STK3: variants seen among roughly 807,000 people sequenced by gnomAD.
STK3 encodes serine/threonine-protein kinase 3.
Under a neutral mutation model 58.0 loss-of-function variants are expected in STK3, and 41 were observed. The observed-to-expected ratio is 0.71, with a 90% CI of 0.55 to 0.92. The LOEUF (loss-of-function observed/expected upper bound fraction) is 0.92, where lower values mean the gene tolerates loss of function less well. STK3 is among the 40% of genes least tolerant of loss of function. The probability of loss-of-function intolerance (pLI) is 0.00; values close to 1 mark genes in which losing one functional copy is unlikely to be tolerated. For missense variants in STK3, 479 were observed against 602.7 expected (o/e 0.79, Z 2.15); for synonymous variants, 170 against 191.0 (o/e 0.89, Z 0.91).
intron 10 of STK3, among the ~76,000 whole-genome samples, chr8:98,490,631 C>G (rs1822614528): frequency 6.6e-6 from 1 of 152,134 alleles, no homozygotes; most frequent in Non-Finnish European, 1.5e-5. Flanking sequence ...CTGTAGCATC[C>G]AGCACAGTGT....
chr8:98,505,761 C>T (rs2131381023), intron 10 of STK3, among the ~76,000 whole-genome samples: 1 of 152,268 alleles, frequency 6.6e-6, no homozygotes, highest in East Asian at 1.9e-4. Context: ...GATCCTTCCT[C>T]TAGAAGCTTC....
At chr8:98,381,309 C>T (rs1817731110) in intron 1 of STK3, among the ~76,000 whole-genome samples, 1 of 152,172 alleles carries the variant, frequency 6.6e-6, no homozygotes, top group Non-Finnish European at 1.5e-5. Flanking sequence ...TGTTGACCCA[C>T]ATTTTTACTC....
intron 10 of STK3, among the ~76,000 whole-genome samples, chr8:98,516,247 C>T (rs183520408): frequency 2.0e-5 from 3 of 151,930 alleles, no homozygotes; most frequent in Admixed American, 2.0e-4. Flanking sequence ...TATAAATGAC[C>T]ATAGACAAGG....
chr8:98,680,884 G>T (rs1823579297), intron 6 of STK3, among the ~76,000 whole-genome samples: 1 of 151,206 alleles, frequency 6.6e-6, no homozygotes, highest in African/African-American at 2.4e-5. Flanking sequence ...AGTATAAAAA[G>T]AAACTGAACA....
At chr8:98,917,526 G>C (rs1235822006) in intron 1 of STK3, among the ~76,000 whole-genome samples, 1 of 152,232 alleles carries the variant, frequency 6.6e-6, no homozygotes, top group East Asian at 1.9e-4. Flanking sequence ...TTAAGAACGG[G>C]ATTAGTACAC....
At chr8:98,625,649 C>G (rs942208195) in intron 6 of STK3, among the ~76,000 whole-genome samples, 1 of 152,172 alleles carries the variant, frequency 6.6e-6, no homozygotes, top group Non-Finnish European at 1.5e-5. Context: ...GCTTAAACCT[C>G]CCAAGTGTGT....
intron 7 of STK3, among the ~76,000 whole-genome samples, chr8:98,592,316 T>C (rs893299176): frequency 2.0e-5 from 3 of 152,210 alleles, no homozygotes; most frequent in African/African-American, 7.2e-5. Flanking sequence ...CTCCCATTTT[T>C]GTGTCTTTGT....
intron 8 of STK3, among the ~76,000 whole-genome samples, chr8:98,577,804 C>T (rs1319480037): frequency 1.3e-5 from 2 of 152,030 alleles, no homozygotes; most frequent in Non-Finnish European, 2.9e-5. Context: ...TTTTAAGGTG[C>T]TATGTTTTGG....
rs558032496 is a variant in STK3 at position 98,609,918 on chromosome 8, G to A, written c.685-13749C>T. Among the ~76,000 whole-genome samples, 7 of 149,280 alleles carry A rather than the reference G, an allele frequency of 4.7e-5. No homozygotes were observed. In the South Asian group the frequency reaches 8.4e-4, roughly 18 times the overall value. On this transcript the variant is annotated intron_variant, in intron 6 of 10. Coordinates refer to ENST00000419617, the MANE Select transcript of STK3 (RefSeq NM_006281.4). ...GAGCTTGCAGTGAGCCGAGATCAGAGATCGCACCACCGCACTCCAGCCTGG... is the reference window on the plus strand; with the variant it reads ...GAGCTTGCAGTGAGCCGAGATCAGAAATCGCACCACCGCACTCCAGCCTGG...
intron 6 of STK3, among the ~76,000 whole-genome samples, chr8:98,638,304 ATT>A (rs2130581034): frequency 6.6e-6 from 1 of 152,352 alleles, no homozygotes; most frequent in South Asian, 2.1e-4. Context: ...TGATTTTTAA[ATT>A]TGTTACTTAT....
chr8:98,912,406 G>GAA (rs57138062), intron 1 of STK3, among the ~76,000 whole-genome samples: 4,066 of 143,872 alleles, frequency 0.028, 199 homozygotes, highest in African/African-American at 0.097. Flanking sequence ...AATAACAAAC[G>GAA]AAAAAAAAAA....
intron 3 of STK3, among the ~76,000 whole-genome samples, chr8:98,417,987 G>T (rs1818132854): frequency 6.6e-6 from 1 of 152,078 alleles, no homozygotes; most frequent in Non-Finnish European, 1.5e-5. Flanking sequence ...GTAGCTCACT[G>T]CAGCCTTGAA....
At chr8:98,544,516 T>A (rs929629095) in intron 9 of STK3, among the ~76,000 whole-genome samples, 1 of 152,096 alleles carries the variant, frequency 6.6e-6, no homozygotes, top group African/African-American at 2.4e-5. Context: ...AGGAACACAT[T>A]TTCAGAGGGT....
At chr8:98,418,347 C>T (rs1818135409) in intron 3 of STK3, among the ~76,000 whole-genome samples, 1 of 152,238 alleles carries the variant, frequency 6.6e-6, no homozygotes, top group African/African-American at 2.4e-5. Context: ...AGCAACAAAG[C>T]TGTCATGGGG....
chr8:98,349,496 G>T, the STK3 span, among the ~76,000 whole-genome samples: 1 of 152,206 alleles, frequency 6.6e-6, no homozygotes, highest in Non-Finnish European at 1.5e-5. Flanking sequence ...CTGGAGGATG[G>T]TGGCCCTCTT....
intron 9 of STK3, among the ~76,000 whole-genome samples, chr8:98,545,864 C>T (rs928947805): frequency 1.6e-4 from 25 of 152,044 alleles, no homozygotes; most frequent in Admixed American, 1.4e-3. Flanking sequence ...ATTTAGATCA[C>T]GAGAAAAACA....
At chr8:98,869,732 A>C (rs974503820) in intron 3 of STK3, among the ~76,000 whole-genome samples, 1 of 151,966 alleles carries the variant, frequency 6.6e-6, no homozygotes, top group Non-Finnish European at 1.5e-5. Context: ...CCATTTATAC[A>C]GACTTATCAT....
intron 3 of STK3, among the ~76,000 whole-genome samples, chr8:98,837,162 T>C (rs1442333801): frequency 6.6e-6 from 1 of 152,136 alleles, no homozygotes; most frequent in African/African-American, 2.4e-5. Flanking sequence ...TAACTTTATA[T>C]AAACACAATA....
intron 10 of STK3, among the ~76,000 whole-genome samples, chr8:98,474,290 C>T (rs1456381691): frequency 6.6e-6 from 1 of 152,132 alleles, no homozygotes; most frequent in African/African-American, 2.4e-5. Context: ...ATACAGCAGC[C>T]AGAATTATTG....
Sources: allele counts gnomAD v4.1 joint callset (sites outside exome capture counted in the v4.1 genomes callset), GRCh38; gene constraint gnomAD v4.1.1; transcripts MANE v1.5; gene names NCBI Gene and HGNC (gene_info 2026-07-23, HGNC 2026-07-21).